ADARB1: variants seen among roughly 807,000 people sequenced by gnomAD.
ADARB1 encodes the protein adenosine deaminase RNA specific B1.
A neutral mutation model predicts 52.4 loss-of-function variants in ADARB1; 10 were observed. That is an observed-to-expected ratio of 0.19 (90% confidence interval 0.12 to 0.32). The LOEUF is 0.32. Ranked by LOEUF, ADARB1 falls within the 10% of genes least tolerant of loss-of-function variation. The probability of loss-of-function intolerance (pLI) is 1.00; values close to 1 mark genes in which losing one functional copy is unlikely to be tolerated. For missense variants in ADARB1, 643 were observed against 922.3 expected (o/e 0.70, Z 3.92); for synonymous variants, 349 against 371.1 (o/e 0.94, Z 0.68).
At chr21:45,197,303 C>T (rs1373085825) in intron 8 of ADARB1, among the ~76,000 whole-genome samples, 1 of 152,122 alleles carries the variant, frequency 6.6e-6, no homozygotes, top group Admixed American at 6.5e-5. Context: ...AGTTCAAAAC[C>T]AGCCTGGCCA....
At chr21:45,141,160 C>T (rs1472252095) in intron 2 of ADARB1, among the ~76,000 whole-genome samples, 1 of 152,158 alleles carries the variant, frequency 6.6e-6, no homozygotes, top group African/African-American at 2.4e-5. Context: ...TGTGCCAATG[C>T]ACTCCAGCCT....
intron 1 of ADARB1, among the ~76,000 whole-genome samples, chr21:45,079,680 GT>G (rs1224515570): frequency 6.6e-6 from 1 of 152,218 alleles, no homozygotes; most frequent in Non-Finnish European, 1.5e-5. Flanking sequence ...GGGTTGTTGA[GT>G]TGCTAATGTA....
chr21:45,127,702 C>T lies in ADARB1; in HGVS notation c.-219-700C>T, dbSNP rs78355238. The stretch of plus-strand genomic sequence containing the variant: ...TCCTCCAGGTTCCCACTCAGAAACC[C>T]GCTCACCCCTGGACACACCTCCCAG... On this transcript the variant is annotated intron_variant, in intron 1 of 10. Transcript: ENST00000348831. Among the ~76,000 whole-genome samples the T allele has an allele frequency of 5.6e-3, 851 of 152,198 alleles. 32 individuals carry two copies. The East Asian group carries it at 0.1, about 19-fold the overall frequency.
At chr21:45,168,349 T>G (rs2091337954) in intron 2 of ADARB1, among the ~76,000 whole-genome samples, 1 of 152,222 alleles carries the variant, frequency 6.6e-6, no homozygotes, top group African/African-American at 2.4e-5. Context: ...GTTGTTTCTT[T>G]TGTGGATTGT....
intron 1 of ADARB1, among the ~76,000 whole-genome samples, chr21:45,113,062 A>G (rs2087617103): frequency 6.6e-6 from 1 of 152,162 alleles, no homozygotes; most frequent in Non-Finnish European, 1.5e-5. Flanking sequence ...AGGGAAATCT[A>G]CTTGCCTTGC....
intron 8 of ADARB1, among the ~76,000 whole-genome samples, chr21:45,195,330 T>A (rs1449803713): frequency 6.6e-6 from 1 of 152,216 alleles, no homozygotes; most frequent in Non-Finnish European, 1.5e-5. Context: ...AGATATGTCT[T>A]TTGCAAATAT....
intron 1 of ADARB1, among the ~76,000 whole-genome samples, chr21:45,087,624 G>A (rs1341947355): frequency 1.3e-5 from 2 of 152,130 alleles, no homozygotes; most frequent in African/African-American, 4.8e-5. Flanking sequence ...CATAGGTGGG[G>A]TGCAGTGCTG....
Position 45,183,386 on chromosome 21 carries a change from C to T in ADARB1, c.1272C>T (p.Ser424=). ...YLNNKDDQKR[S]IFQKSERGGF... is the part of the protein sequence containing the mutation. ...GTAACAAAGATGATCAAAAAAGATC[C>T]ATCTTTCAGAAATCAGAGCGAGGGG... Residue 424 remains serine (S), a synonymous_variant, in exon 7 of 11, where the codon TCC becomes TCT. Transcript: ENST00000348831. 6.2e-7 allele frequency: 1 copy of T among 1,600,328 alleles called. No individual in the cohort carries two copies. The highest frequency in any genetic ancestry group is 1.1e-5 in the South Asian group (1 of 87,472).
intron 8 of ADARB1, among the ~76,000 whole-genome samples, chr21:45,192,958 A>G (rs1448656400): frequency 6.6e-6 from 1 of 152,206 alleles, no homozygotes; most frequent in Non-Finnish European, 1.5e-5. Context: ...CCCACCAAAA[A>G]TGACAACAAA....
chr21:45,152,490 G>T (rs2090343514), intron 2 of ADARB1: 2 of 236,206 alleles, frequency 8.5e-6, no homozygotes, highest in South Asian at 7.6e-5. Flanking sequence ...TCCCTCGTCG[G>T]TAGGGGCTGC....
At chr21:45,082,728 A>C (rs1349467491) in intron 1 of ADARB1, among the ~76,000 whole-genome samples, 1 of 152,218 alleles carries the variant, frequency 6.6e-6, no homozygotes, top group Non-Finnish European at 1.5e-5. Flanking sequence ...TGATGATCTT[A>C]GGATGTTGCT....
chr21:45,158,070 T>C (rs915649896), intron 2 of ADARB1, among the ~76,000 whole-genome samples: 1 of 152,214 alleles, frequency 6.6e-6, no homozygotes. Context: ...GCTGTGGCTC[T>C]TCTTGGGCCA....
chr21:45,165,277 C>T (rs1319813891), intron 2 of ADARB1, among the ~76,000 whole-genome samples: 1 of 152,224 alleles, frequency 6.6e-6, no homozygotes, highest in Non-Finnish European at 1.5e-5. Flanking sequence ...CTGCATGTTT[C>T]TTTCTGTCAT....
chr21:45,168,877 A>AT (rs1264469936), intron 2 of ADARB1, among the ~76,000 whole-genome samples: 1 of 152,038 alleles, frequency 6.6e-6, no homozygotes, highest in Non-Finnish European at 1.5e-5. Flanking sequence ...GTGACAAGTG[A>AT]TTTTTTATTG....
intron 1 of ADARB1, among the ~76,000 whole-genome samples, chr21:45,124,915 C>T (rs1299024114): frequency 6.6e-6 from 1 of 151,942 alleles, no homozygotes; most frequent in Non-Finnish European, 1.5e-5. Context: ...TCTCACACCT[C>T]AGCCTCCGAA....
At chr21:45,205,321 G>A (rs1388899239) in intron 9 of ADARB1, among the ~76,000 whole-genome samples, 1 of 152,188 alleles carries the variant, frequency 6.6e-6, no homozygotes, top group Non-Finnish European at 1.5e-5. Context: ...TTATGACTGG[G>A]CTGGGCACCT....
intron 2 of ADARB1, among the ~76,000 whole-genome samples, chr21:45,146,839 T>G (rs1163957999): frequency 6.6e-6 from 1 of 152,226 alleles, no homozygotes; most frequent in African/African-American, 2.4e-5. Context: ...TGTGTTTGGC[T>G]TGATCTGGAC....
intron 2 of ADARB1, among the ~76,000 whole-genome samples, chr21:45,165,959 A>C (rs2091239288): frequency 6.6e-6 from 1 of 152,178 alleles, no homozygotes; most frequent in South Asian, 2.1e-4. Flanking sequence ...AATATATGTT[A>C]GTAATTTTAA....
At chr21:45,115,559 A>G (rs557404743) in intron 1 of ADARB1, among the ~76,000 whole-genome samples, 16 of 152,328 alleles carry the variant, frequency 1.1e-4, no homozygotes, top group African/African-American at 3.1e-4. Context: ...TCTTATAGGT[A>G]TACATCTTTT....
Sources: gnomAD v4.1 joint callset for allele counts (sites outside exome capture counted in the v4.1 genomes callset) on GRCh38, gnomAD v4.1.1 for gene constraint, MANE v1.5 for transcripts, NCBI Gene and HGNC (gene_info 2026-07-23, HGNC 2026-07-21) for gene names.